ZNF530: variants seen among roughly 807,000 people sequenced by gnomAD.
ZNF530 encodes zinc finger protein 530.
ZNF530 carries 5 observed loss-of-function variants against 2.8 expected under a neutral mutation model. That is an observed-to-expected ratio of 1.80 (90% CI 0.94 to 3.78). The LOEUF (loss-of-function observed/expected upper bound fraction) is 3.78, where lower values mean the gene tolerates loss of function less well. Among genes scored for constraint, ZNF530 ranks in the 30% most tolerant of loss-of-function variants. The probability of loss-of-function intolerance (pLI) is 0.00; values close to 1 mark genes in which losing one functional copy is unlikely to be tolerated. For missense variants in ZNF530, 619 were observed against 673.3 expected (o/e 0.92, Z 0.89); for synonymous variants, 229 against 235.0 (o/e 0.97, Z 0.23).
At chr19:57,603,136 G>T (rs1485765100) in intron 2 of ZNF530, among the ~76,000 whole-genome samples, 2 of 152,148 alleles carry the variant, frequency 1.3e-5, no homozygotes, top group African/African-American at 4.8e-5. Context: ...TGATCCACCC[G>T]CCTTGGCCTC....
rs901097047 is a variant in ZNF530, at chr19:57,600,130, C to T, written c.-126C>T. ...ATGGCGGCGGCACTGAGGGCCCCGA[C>T]CCAGGTGAGCGCTGCGTCCTCCCGG... On this transcript the variant is annotated 5_prime_UTR_variant, in exon 1 of 4. Transcript: ENST00000597700. 1.3e-6 allele frequency: 2 copies of T among 1,570,174 alleles called. No individual in the cohort carries two copies. The highest frequency in any genetic ancestry group is 1.7e-6 in the Non-Finnish European group (2 of 1,156,992).
intron 2 of ZNF530, among the ~76,000 whole-genome samples, chr19:57,602,838 A>T (rs1047469989): frequency 3.3e-5 from 5 of 152,190 alleles, no homozygotes; most frequent in Admixed American, 6.5e-5. Context: ...TCTTACATGG[A>T]TGGCAGCAGG....
rs755784079 is a variant in ZNF530, at chr19:57,600,082, C to T, written c.-174C>T. On this transcript the variant is annotated 5_prime_UTR_variant, in exon 1 of 4. Coordinates refer to ENST00000597700, the MANE Select transcript of ZNF530 (RefSeq NM_001321981.2). ...CTCCGCCCGGATCGTCCACCGCTCCCGGCCCGCTCCGCCCAGAGTCCGATG... is the reference window on the plus strand; with the variant it reads ...CTCCGCCCGGATCGTCCACCGCTCCTGGCCCGCTCCGCCCAGAGTCCGATG... 1.9e-6 allele frequency: 3 copies of T among 1,545,308 alleles called. No homozygotes were observed. Among genetic ancestry groups the T allele is most frequent in the Admixed American group, 1.9e-5 (1 of 51,752 alleles).
Position 57,607,598 on chromosome 19 carries a change from G to T in ZNF530, c.*273G>T. On this transcript the variant is annotated 3_prime_UTR_variant, in exon 4 of 4. Coordinates refer to ENST00000597700, the MANE Select transcript of ZNF530 (RefSeq NM_001321981.2). ...GACCTCAGGTAATCCACCTGCTTCA[G>T]CCTACCAAAGTGCTGGGATTACAGG... 5.1e-6 allele frequency: 2 copies of T among 390,216 alleles called. No homozygotes were observed. Among genetic ancestry groups the T allele is most frequent in the South Asian group, 7.3e-5 (2 of 27,524 alleles). 24.2% of individuals were successfully genotyped at this position (390,216 alleles called of 1,614,324 possible).
At chr19:57,611,573 G>A (rs959881934), downstream of ZNF530, among the ~76,000 whole-genome samples, 3 of 152,156 alleles carry the variant, frequency 2.0e-5, no homozygotes, top group African/African-American at 7.2e-5. Flanking sequence ...TCAAATACCA[G>A]TCAAATTTTG....
At chr19:57,603,902 G>A (rs1458279479) in intron 2 of ZNF530, among the ~76,000 whole-genome samples, 1 of 152,206 alleles carries the variant, frequency 6.6e-6, no homozygotes, top group Non-Finnish European at 1.5e-5. Flanking sequence ...GGTAAGAGAG[G>A]TGTGGTGGAA....
chr19:57,606,676 G>A lies in ZNF530; in HGVS notation c.1052G>A (p.Cys351Tyr). Reference sequence around the variant, plus strand: ...GTAAGGCCTTATGAGTGTAGTGAATGTGGGAAAGCATTTAGTTGCAATATC... The same window carrying A: ...GTAAGGCCTTATGAGTGTAGTGAATATGGGAAAGCATTTAGTTGCAATATC... ...TGVRPYECSE[C>Y]GKAFSCNIYL... Residue 351 changes from cysteine to tyrosine, a missense_variant, in exon 4 of 4, where the codon TGT (cysteine) becomes TAT (tyrosine). Physicochemically the swap from Cys to Tyr is radical, Grantham distance 194. Transcript: ENST00000597700. 1 of 1,614,176 alleles carries A rather than the reference G, an allele frequency of 6.2e-7. No homozygotes were observed. The highest frequency in any genetic ancestry group is 8.5e-7 in the Non-Finnish European group (1 of 1,180,028).
At chr19:57,611,594 C>G (rs552907092), downstream of ZNF530, among the ~76,000 whole-genome samples, 16 of 152,126 alleles carry the variant, frequency 1.1e-4, no homozygotes, top group Non-Finnish European at 2.2e-4. Flanking sequence ...CCATCTTGCC[C>G]CATTTTGTGC....
Position 57,609,243 on chromosome 19 carries a change from A to C in ZNF530, c.*1918A>C, listed in dbSNP as rs1980758308. On this transcript the variant is annotated 3_prime_UTR_variant, in exon 4 of 4. Transcript: ENST00000597700. ...CTGCTCTGAAGGCTGACGCACCAAG[A>C]ATAGCTTGAACCCGGAAGTGGAGGT... 6.6e-6 allele frequency among the ~76,000 whole-genome samples: 1 copy of C among 151,640 alleles called. No homozygotes were observed. Among genetic ancestry groups the C allele is most frequent in the South Asian group, 2.1e-4 (1 of 4,794 alleles).
Position 57,606,126 on chromosome 19 carries a change from C to A in ZNF530, c.502C>A (p.His168Asn), listed in dbSNP as rs753723587. Residue 168 changes from histidine (H) to asparagine (N), a missense_variant, in exon 4 of 4, where the codon CAC becomes AAC. Transcript: ENST00000597700. ...TIERPHSRIR[H>N]LRVPTGRKPL... ...TGAGAGACCACACAGCAGGATTAGA[C>A]ACTTGAGAGTTCCCACTGGACGAAA... is the stretch of plus-strand genomic sequence containing the variant. 6.2e-7 allele frequency: 1 copy of A among 1,614,264 alleles called. No individual in the cohort carries two copies. The highest frequency in any genetic ancestry group is 1.1e-5 in the South Asian group (1 of 91,092).
intron 1 of ZNF530, 89 bp downstream of exon 1, chr19:57,600,223 G>A (rs766559757): frequency 7.2e-7 from 1 of 1,396,806 alleles, no homozygotes; most frequent in African/African-American, 1.4e-5. Context: ...GGACCGCACT[G>A]TCCGGCACAG....
At position 57,605,479 on chromosome 19, in the gene ZNF530, TTCTC is replaced by T. The variant is rs1980460208; in HGVS notation, c.62-203_62-200del. On this transcript the variant is annotated intron_variant, in intron 3 of 3. Coordinates refer to ENST00000597700, the MANE Select transcript of ZNF530 (RefSeq NM_001321981.2). ...AATAGTGAGTCAGAGACCCTACCTG[TTCTC>T]TCTGAGTTGTGCCCCATCTTTGTGT... 5.6e-6 allele frequency: 3 copies of T among 533,724 alleles called. No homozygotes were observed. In the African/African-American group the frequency reaches 5.8e-5, roughly 10 times the overall value. The allele number at this position is 533,724 out of a possible 1,614,324, so 33.1% of individuals were successfully genotyped here.
downstream of ZNF530, among the ~76,000 whole-genome samples, chr19:57,610,442 GTGTGTGTA>G (rs1488055218): frequency 4.0e-5 from 6 of 151,540 alleles, no homozygotes; most frequent in East Asian, 1.9e-4. Context: ...GTGTGTGTGT[GTGTGTGTA>G]TACTTACTGT....
In ZNF530 at chr19:57,607,547, G is replaced by C. The variant is rs1568626085; in HGVS notation, c.*222G>C. The C allele has an allele frequency of 3.8e-6, 2 of 522,932 alleles. No individual in the cohort carries two copies. The highest frequency in any genetic ancestry group is 6.9e-5 in the East Asian group (2 of 28,988). 32.4% of individuals were successfully genotyped at this position (522,932 alleles called of 1,614,324 possible). ...TTTAATAGAAACAAGGTTTCACCAT[G>C]TTGGTCAGGCTGGTGTTGAACTCCT... is the stretch of plus-strand genomic sequence containing the variant. On this transcript the variant is annotated 3_prime_UTR_variant, in exon 4 of 4. Transcript: ENST00000597700.
At chr19:57,611,725 A>T (rs780059951), downstream of ZNF530, among the ~76,000 whole-genome samples, 1 of 150,466 alleles carries the variant, frequency 6.6e-6, no homozygotes, top group African/African-American at 2.5e-5. Context: ...GGATAGTTTT[A>T]TGCTTTCCTG....
chr19:57,604,939 C>G (rs1424809495), intron 3 of ZNF530: 1 of 155,396 alleles, frequency 6.4e-6, no homozygotes, highest in Non-Finnish European at 1.4e-5. Context: ...TCTTATAGGT[C>G]TGGTATAGTT....
downstream of ZNF530, among the ~76,000 whole-genome samples, chr19:57,610,989 CAG>C (rs969935846): frequency 2.0e-5 from 3 of 152,076 alleles, no homozygotes; most frequent in African/African-American, 7.2e-5. Context: ...TTGCTGGTGA[CAG>C]AGAGACTTAC....
chr19:57,601,891 A>G (rs1980260054), intron 2 of ZNF530, among the ~76,000 whole-genome samples: 1 of 152,152 alleles, frequency 6.6e-6, no homozygotes. Context: ...ACCAGGTCTC[A>G]TGTGAACTTA....
intron 2 of ZNF530, 61 bp from the exon 3 acceptor site, chr19:57,604,216 G>A: frequency 6.2e-7 from 1 of 1,610,002 alleles, no homozygotes; most frequent in South Asian, 1.1e-5. Context: ...GGATGTTTGG[G>A]GGAATCAACT....
Sources: allele counts gnomAD v4.1 joint callset (sites outside exome capture counted in the v4.1 genomes callset), GRCh38; gene constraint gnomAD v4.1.1; transcripts MANE v1.5; gene names NCBI Gene and HGNC (gene_info 2026-07-23, HGNC 2026-07-21).